CAPN13: variants seen among roughly 807,000 people sequenced by gnomAD.
The protein encoded by CAPN13 is calpain-13.
A neutral mutation model predicts 98.4 loss-of-function variants in CAPN13; 90 were observed. That is an observed-to-expected ratio of 0.92 (90% CI 0.77 to 1.09). The LOEUF is 1.09. Ranked by LOEUF, CAPN13 falls within the 50% of genes least tolerant of loss-of-function variation. The pLI is 0.00. For synonymous variants in CAPN13, 330 were observed against 305.5 expected, an observed-to-expected ratio of 1.08 and a Z score of -0.84; for missense variants, 887 against 841.3, an observed-to-expected ratio of 1.05 and a Z score of -0.67.
chr2:30,724,995 G>T (rs1395360862), intron 22 of CAPN13, among the ~76,000 whole-genome samples: 8 of 152,146 alleles, frequency 5.3e-5, no homozygotes, highest in Non-Finnish European at 7.4e-5. Flanking sequence ...CTTTCCTCAA[G>T]AAACTGTATT....
At chr2:30,803,945 C>T (rs572554413) in intron 1 of CAPN13, among the ~76,000 whole-genome samples, 16 of 152,176 alleles carry the variant, frequency 1.1e-4, no homozygotes, top group East Asian at 5.8e-4. Flanking sequence ...GGTTGTTTCC[C>T]GGGAGAATGA....
intron 1 of CAPN13, among the ~76,000 whole-genome samples, chr2:30,800,116 A>AAAACAAAGAAAG: frequency 1.2e-5 from 1 of 85,596 alleles, no homozygotes; most frequent in Non-Finnish European, 2.3e-5. Flanking sequence ...GAAAAGAAAG[A>AAAACAAAGAAAG]AAAGAAAGAA....
At chr2:30,724,626 G>C (rs552052205) in intron 22 of CAPN13, among the ~76,000 whole-genome samples, 1 of 152,194 alleles carries the variant, frequency 6.6e-6, no homozygotes, top group Non-Finnish European at 1.5e-5. Flanking sequence ...GCTCCAGAAG[G>C]CTGGACACCC....
intron 8 of CAPN13, among the ~76,000 whole-genome samples, chr2:30,756,733 G>C (rs572093120): frequency 2.9e-4 from 44 of 152,306 alleles, no homozygotes; most frequent in African/African-American, 9.4e-4. Context: ...AAAGGGCAAA[G>C]GATACACCTG....
chr2:30,795,281 C>G (rs559294908), intron 1 of CAPN13, among the ~76,000 whole-genome samples: 1 of 152,134 alleles, frequency 6.6e-6, no homozygotes, highest in East Asian at 1.9e-4. Context: ...GTTTATATTA[C>G]AAGGAGTAGA....
intron 11 of CAPN13, among the ~76,000 whole-genome samples, chr2:30,747,614 G>A (rs769670476): frequency 1.3e-5 from 2 of 152,192 alleles, no homozygotes; most frequent in Admixed American, 1.3e-4. Flanking sequence ...AAGCAGAGCA[G>A]TGCTCCCACA....
At chr2:30,758,789 T>TCCTTTCCTTCCTTCCTCCCTCCCTC (rs1672608513) in intron 7 of CAPN13, among the ~76,000 whole-genome samples, 1 of 109,134 alleles carries the variant, frequency 9.2e-6, no homozygotes, top group South Asian at 3.4e-4. Context: ...TCCCTCCCTT[T>TCCTTTCCTTCCTTCCTCCCTCCCTC]CCTTTCCTTC....
chr2:30,734,095 T>C (rs1671233819), intron 19 of CAPN13, among the ~76,000 whole-genome samples: 1 of 152,198 alleles, frequency 6.6e-6, no homozygotes, highest in African/African-American at 2.4e-5. Flanking sequence ...AGCCTGTGGG[T>C]ATTTAACCCT....
At chr2:30,732,593 G>A (rs1226868301) in intron 19 of CAPN13, 27 bp from the exon 20 acceptor site, 1 of 1,597,522 alleles carries the variant, frequency 6.3e-7, no homozygotes, top group South Asian at 1.1e-5. Context: ...ACGAGTGAGT[G>A]AGAGGAGGCT....
intron 15 of CAPN13, among the ~76,000 whole-genome samples, chr2:30,740,923 T>C (rs918321857): frequency 3.3e-5 from 5 of 152,210 alleles, no homozygotes; most frequent in Middle Eastern, 3.2e-3. Flanking sequence ...GGAGGTGATC[T>C]GTCTTAATTC....
chr2:30,760,171 C>G (rs1333493670), intron 7 of CAPN13, among the ~76,000 whole-genome samples: 1 of 152,242 alleles, frequency 6.6e-6, no homozygotes, highest in Non-Finnish European at 1.5e-5. Flanking sequence ...CAAGCTCCGC[C>G]TCCCGGGTTC....
At chr2:30,774,324 C>CA (rs925408046) in intron 4 of CAPN13, among the ~76,000 whole-genome samples, 1 of 151,316 alleles carries the variant, frequency 6.6e-6, no homozygotes, top group African/African-American at 2.4e-5. Flanking sequence ...AACAAAACCT[C>CA]AAAAGAAAAA....
chr2:30,805,330 G>A (rs1675547039), intron 1 of CAPN13, among the ~76,000 whole-genome samples: 1 of 152,174 alleles, frequency 6.6e-6, no homozygotes, highest in African/African-American at 2.4e-5. Context: ...TCTTTGTGAA[G>A]AGAGGCCAGG....
Position 30,744,436 on chromosome 2 carries a change from C to A in CAPN13, c.1249-857G>T, listed in dbSNP as rs1311937154. Among the ~76,000 whole-genome samples the A allele has an allele frequency of 2.0e-5, 3 of 152,184 alleles. No homozygotes were observed. In the East Asian group the frequency reaches 5.8e-4, roughly 29 times the overall value. On this transcript the variant is annotated intron_variant, in intron 12 of 22. Coordinates refer to ENST00000295055, the MANE Select transcript of CAPN13 (RefSeq NM_144575.3). ...TCAGCAGGTTTGGGAGCCTGACTTG[C>A]TTGGGCCCTTATGGCAAAAGCAATG...
intron 7 of CAPN13, among the ~76,000 whole-genome samples, chr2:30,762,301 T>A (rs930630682): frequency 1.3e-5 from 2 of 152,220 alleles, no homozygotes; most frequent in African/African-American, 2.4e-5. Context: ...CCAGCCAAAG[T>A]CAGTTCTTCC....
chr2:30,746,895 G>C (rs948005474), intron 11 of CAPN13, among the ~76,000 whole-genome samples: 1 of 152,186 alleles, frequency 6.6e-6, no homozygotes, highest in Non-Finnish European at 1.5e-5. Flanking sequence ...TGAAAGGTGT[G>C]GTTACTCTTC....
At chr2:30,794,143 C>T (rs1287146148) in intron 1 of CAPN13, among the ~76,000 whole-genome samples, 1 of 150,824 alleles carries the variant, frequency 6.6e-6, no homozygotes, top group Non-Finnish European at 1.5e-5. Flanking sequence ...AAAATATTTG[C>T]AGCACGTATA....
At chr2:30,770,613 C>A (rs1258710972) in intron 4 of CAPN13, among the ~76,000 whole-genome samples, 164 bp from the exon 5 acceptor site, 1 of 152,234 alleles carries the variant, frequency 6.6e-6, no homozygotes, top group African/African-American at 2.4e-5. Flanking sequence ...ACAGGCATGT[C>A]ATCTCAACCG....
chr2:30,770,174 C>A, intron 5 of CAPN13, 139 bp downstream of exon 5: 1 of 1,184,414 alleles, frequency 8.4e-7, no homozygotes, highest in Non-Finnish European at 1.2e-6. Flanking sequence ...CAACATGGAC[C>A]TTTGCACGTG....
Sources: gnomAD v4.1 joint callset for allele counts (sites outside exome capture counted in the v4.1 genomes callset) on GRCh38, gnomAD v4.1.1 for gene constraint, MANE v1.5 for transcripts, NCBI Gene and HGNC (gene_info 2026-07-23, HGNC 2026-07-21) for gene names.